The following NFIB variants were observed in gnomAD, a reference collection of about 807,000 sequenced individuals.
NFIB encodes the protein nuclear factor I B.
In NFIB, 11 loss-of-function variants were observed where a neutral mutation model predicts 61.5. The ratio of observed to expected loss-of-function variants is 0.18; its 90% CI spans 0.11 to 0.30. The LOEUF (loss-of-function observed/expected upper bound fraction) is 0.30. Ranked by LOEUF, NFIB falls within the 10% of genes least tolerant of loss-of-function variation. The probability of loss-of-function intolerance (pLI) is 1.00; values close to 1 mark genes in which losing one functional copy is unlikely to be tolerated. For missense variants in NFIB, 471 were observed against 608.9 expected, an observed-to-expected ratio of 0.77 and a Z score of 2.38; for synonymous variants, 260 against 216.5, an observed-to-expected ratio of 1.20 and a Z score of -1.76.
chr9:14,481,325 C>A, the NFIB span, among the ~76,000 whole-genome samples: 1 of 148,204 alleles, frequency 6.7e-6, no homozygotes, highest in African/African-American at 2.5e-5. Context: ...CCTAGAGCAG[C>A]AACTGGTTTA....
chr9:14,516,525 T>G, the NFIB span, among the ~76,000 whole-genome samples: 1 of 152,222 alleles, frequency 6.6e-6, no homozygotes. Context: ...TTTTACACAT[T>G]TAAGCTCCTT....
intron 1 of NFIB, among the ~76,000 whole-genome samples, chr9:14,348,454 G>A (rs1368152978): frequency 1.3e-5 from 2 of 152,194 alleles, no homozygotes; most frequent in Non-Finnish European, 2.9e-5. Flanking sequence ...GAAGTTGGAG[G>A]GTGGAGAGAA....
the NFIB span, among the ~76,000 whole-genome samples, chr9:14,406,839 G>A: frequency 1.3e-5 from 2 of 152,190 alleles, no homozygotes; most frequent in Non-Finnish European, 2.9e-5. Flanking sequence ...AACATTTGTG[G>A]TCTTGTCAGT....
At chr9:14,449,167 T>C in the NFIB span, among the ~76,000 whole-genome samples, 1 of 152,356 alleles carries the variant, frequency 6.6e-6, no homozygotes, top group East Asian at 1.9e-4. Flanking sequence ...TACTAATATT[T>C]AATGGCATCA....
At position 14,333,432 on chromosome 9, in the gene NFIB, C is replaced by T. The variant is rs529982874; in HGVS notation, c.109-25912G>A. Among the ~76,000 whole-genome samples the T allele has an allele frequency of 5.9e-5, 9 of 152,276 alleles. No homozygotes were observed. The South Asian group carries it at 1.5e-3, about 25-fold the overall frequency. ...CCTCTTTCCTCATCCTCCCACTCAA[C>T]AGAGTGGCTTGTACCCACCCTTAAA... On this transcript the variant is annotated intron_variant, in intron 1 of 8. Coordinates refer to the NFIB transcript ENST00000380934.
At position 14,116,332 on chromosome 9, in the gene NFIB, A is replaced by G. The variant is rs2038135855; in HGVS notation, c.1260T>C (p.Gly420=). Residue 420 remains glycine, a synonymous_variant, in exon 9 of 11, where the codon GGT becomes GGC. Transcript: ENST00000380953. ...GGCCAGGCACTTTCCCTACTACTTG[A>G]CCACTGCCGTTAGGCTACAAAACAA... ...SPQTSQPNGS[G]QVVGKVPGHF... 6.6e-7 allele frequency: 1 copy of G among 1,518,844 alleles called. No individual in the cohort carries two copies. Among genetic ancestry groups the G allele is most frequent in the South Asian group, 1.3e-5 (1 of 77,956 alleles). The allele number at this position is 1,518,844 out of a possible 1,614,324, so 94.1% of individuals were successfully genotyped here.
chr9:14,515,459 G>T, the NFIB span, among the ~76,000 whole-genome samples: 1 of 152,112 alleles, frequency 6.6e-6, no homozygotes, highest in East Asian at 1.9e-4. Flanking sequence ...CACTAACTCG[G>T]TAGGCAAGGT....
At chr9:14,433,382 A>G in the NFIB span, among the ~76,000 whole-genome samples, 11 of 152,350 alleles carry the variant, frequency 7.2e-5, no homozygotes, top group Admixed American at 3.3e-4. Flanking sequence ...CGTTTTGAGC[A>G]ACAACTGGCT....
In NFIB at chr9:14,283,551, T is replaced by C. The variant is rs1036719792; in HGVS notation, c.562+23438A>G. ...TCTGACATAATGTCCTTGAGGACAA[T>C]GGACTCCTCTTTCAGGGCAAGAGCA... On this transcript the variant is annotated intron_variant, in intron 2 of 10. Coordinates refer to ENST00000380953, the MANE Select transcript of NFIB (RefSeq NM_001190737.2). Among the ~76,000 whole-genome samples the C allele has an allele frequency of 3.4e-4, 51 of 152,228 alleles. 1 individual carries two copies. Among genetic ancestry groups the C allele is most frequent in the African/African-American group, 1.2e-3 (48 of 41,458 alleles).
chr9:14,228,865 C>T (rs983200930), intron 2 of NFIB, among the ~76,000 whole-genome samples: 3 of 152,084 alleles, frequency 2.0e-5, no homozygotes, highest in Admixed American at 1.3e-4. Context: ...TTCCAGGTGA[C>T]TCAATATGAA....
chr9:14,388,346 C>T (rs2061575516), intron 1 of NFIB, among the ~76,000 whole-genome samples: 1 of 97,348 alleles, frequency 1.0e-5, no homozygotes, highest in African/African-American at 3.7e-5. Context: ...CAGAATGAGA[C>T]CTTTTCAAAA....
intron 3 of NFIB, among the ~76,000 whole-genome samples, chr9:14,172,668 C>G (rs578206535): frequency 1.3e-5 from 2 of 152,136 alleles, no homozygotes; most frequent in Non-Finnish European, 2.9e-5. Context: ...GCATCTGTTT[C>G]TTTTGCCTCC....
chr9:14,231,391 C>T (rs1486616798), intron 2 of NFIB, among the ~76,000 whole-genome samples: 1 of 151,790 alleles, frequency 6.6e-6, no homozygotes, highest in Non-Finnish European at 1.5e-5. Context: ...GAGGATTACA[C>T]ACTTCACTGT....
chr9:14,148,624 T>C (rs2042543527), intron 5 of NFIB, among the ~76,000 whole-genome samples: 1 of 152,138 alleles, frequency 6.6e-6, no homozygotes, highest in African/African-American at 2.4e-5. Context: ...CAGTGGACTG[T>C]CCAGGGCAAG....
chr9:14,345,327 C>G (rs1439073731), intron 1 of NFIB, among the ~76,000 whole-genome samples: 1 of 152,162 alleles, frequency 6.6e-6, no homozygotes, highest in African/African-American at 2.4e-5. Context: ...AATTTTAAAA[C>G]ATCCCCAAAT....
chr9:14,206,620 A>T (rs1224653851), intron 2 of NFIB, among the ~76,000 whole-genome samples: 1 of 142,762 alleles, frequency 7.0e-6, no homozygotes, highest in Non-Finnish European at 1.5e-5. Flanking sequence ...ATAAATGTTG[A>T]TTGACCATCT....
chr9:14,215,969 T>A (rs962093577), intron 2 of NFIB, among the ~76,000 whole-genome samples: 7 of 152,136 alleles, frequency 4.6e-5, no homozygotes, highest in African/African-American at 1.7e-4. Context: ...CGATACCTTG[T>A]TCATGGGGGG....
At chr9:14,294,069 C>T (rs7847391) in intron 2 of NFIB, among the ~76,000 whole-genome samples, 143,873 of 152,300 alleles carry the variant, frequency 0.94, 68,027 homozygotes, top group South Asian at 0.97. Flanking sequence ...GAATGTTGGA[C>T]ACGAAAAGCA....
intron 1 of NFIB, among the ~76,000 whole-genome samples, chr9:14,360,986 C>T (rs187573094): frequency 1.3e-4 from 20 of 152,192 alleles, no homozygotes; most frequent in African/African-American, 4.1e-4. Flanking sequence ...AGACATATTT[C>T]ATTAATTATT....
Sources: gnomAD v4.1 joint callset for allele counts (sites outside exome capture counted in the v4.1 genomes callset) on GRCh38, gnomAD v4.1.1 for gene constraint, MANE v1.5 for transcripts, NCBI Gene and HGNC (gene_info 2026-07-23, HGNC 2026-07-21) for gene names.